The following TTC3 variants were observed in gnomAD, a reference collection of about 807,000 sequenced individuals.
The protein encoded by TTC3 is E3 ubiquitin-protein ligase TTC3.
In TTC3, 180 loss-of-function variants were observed where a neutral mutation model predicts 249.6. The observed-to-expected ratio is 0.72, with a 90% CI of 0.64 to 0.82. The LOEUF is 0.82. Ranked by LOEUF, TTC3 falls within the 40% of genes least tolerant of loss-of-function variation. The probability of loss-of-function intolerance (pLI) is 0.00; values close to 1 mark genes in which losing one functional copy is unlikely to be tolerated. For synonymous variants in TTC3, 717 were observed against 805.0 expected, an observed-to-expected ratio of 0.89 and a Z score of 1.85; for missense variants, 2,061 against 2,398.4, an observed-to-expected ratio of 0.86 and a Z score of 2.94.
intron 1 of TTC3, among the ~76,000 whole-genome samples, chr21:37,079,107 T>C (rs1316511851): frequency 1.3e-5 from 2 of 152,216 alleles, no homozygotes; most frequent in African/African-American, 4.8e-5. Context: ...TATTCTTTCT[T>C]GAGATAAACC....
chr21:37,081,949 C>A (rs1419072980), intron 1 of TTC3: 1 of 151,714 alleles, frequency 6.6e-6, no homozygotes, highest in Non-Finnish European at 1.5e-5. Flanking sequence ...ACTGCAAGCT[C>A]CGCCTCCCGG....
exon 27 of TTC3, chr21:37,153,069 A>G: frequency 6.2e-7 from 1 of 1,613,872 alleles, no homozygotes; most frequent in Non-Finnish European, 8.5e-7. Flanking sequence ...TTCTCAAAGA[A>G]TTGCTTTCTT....
At chr21:37,171,478 A>G (rs1413697698) in intron 34 of TTC3, among the ~76,000 whole-genome samples, 3 of 152,212 alleles carry the variant, frequency 2.0e-5, no homozygotes, top group Non-Finnish European at 2.9e-5. Context: ...GTTTAAATGT[A>G]ATAACATAGA....
Position 37,097,998 on chromosome 21 carries a change from G to C in TTC3, c.845+1355G>C, listed in dbSNP as rs997040145. ...AAATCACCAGTAATCCAACCACCTT[G>C]GAGAATACCGCTGTATTAACGTTAT... On this transcript the variant is annotated intron_variant, in intron 10 of 45. Transcript: ENST00000355666. 5.6e-6 allele frequency: 4 copies of C among 708,040 alleles called. No individual in the cohort carries two copies. The African/African-American group carries it at 7.1e-5, about 12-fold the overall frequency. 43.9% of individuals were successfully genotyped at this position (708,040 alleles called of 1,614,324 possible). A position where few individuals can be genotyped will look rare whatever the true frequency, so the allele number is the denominator to read the frequency against.
chr21:37,095,831 G>A (rs745644135), intron 9 of TTC3, among the ~76,000 whole-genome samples: 8 of 152,230 alleles, frequency 5.3e-5, no homozygotes, highest in Non-Finnish European at 1.2e-4. Context: ...TGCTTTCTAA[G>A]AGGGAACTTT....
chr21:37,093,379 C>CAAAAAAAAAA (rs766230187), intron 7 of TTC3: 1 of 59,140 alleles, frequency 1.7e-5, no homozygotes, highest in African/African-American at 5.6e-5. Flanking sequence ...AACTCCATCT[C>CAAAAAAAAAA]AAAAAAAAAA....
At chr21:37,124,219 A>G (rs1202659212) in intron 13 of TTC3, among the ~76,000 whole-genome samples, 2 of 139,982 alleles carry the variant, frequency 1.4e-5, no homozygotes, top group Non-Finnish European at 3.0e-5. Context: ...GGGTTCAAGC[A>G]GGTCTCCTGC....
chr21:37,175,098 A>AC (rs1445153005), intron 35 of TTC3, among the ~76,000 whole-genome samples: 1 of 84,518 alleles, frequency 1.2e-5, no homozygotes, highest in African/African-American at 7.7e-5. Flanking sequence ...TACTAAAAAT[A>AC]CAAAAAAAAA....
intron 34 of TTC3, among the ~76,000 whole-genome samples, chr21:37,168,013 A>T (rs1160911412): frequency 6.6e-6 from 1 of 152,156 alleles, no homozygotes; most frequent in African/African-American, 2.4e-5. Context: ...ATACAGAAAG[A>T]TAAAGACCTT....
At chr21:37,073,455 C>T (rs1300625216) in intron 1 of TTC3, 31 of 986,634 alleles carry the variant, frequency 3.1e-5, no homozygotes, top group Non-Finnish European at 3.7e-5. Flanking sequence ...GCCTTCCACA[C>T]CCCCTCCGTG....
intron 42 of TTC3, among the ~76,000 whole-genome samples, chr21:37,196,523 C>T (rs1392189503): frequency 2.0e-5 from 3 of 152,088 alleles, no homozygotes; most frequent in East Asian, 1.9e-4. Context: ...AGGCATGAGA[C>T]GCCACACCCA....
intron 26 of TTC3, 110 bp from the exon 27 acceptor site, chr21:37,152,839 CAG>C (rs2079611524): frequency 1.1e-6 from 1 of 876,132 alleles, no homozygotes. Context: ...TTTAGTAAAA[CAG>C]TATAATCAAT....
intron 24 of TTC3, 26 bp downstream of exon 24, chr21:37,150,196 T>A: frequency 6.6e-7 from 1 of 1,526,102 alleles, no homozygotes; most frequent in Non-Finnish European, 9.1e-7. Context: ...GAAACCTTGT[T>A]AGATAGATAA....
chr21:37,178,684 G>A (rs562200805), intron 35 of TTC3, among the ~76,000 whole-genome samples: 1 of 152,170 alleles, frequency 6.6e-6, no homozygotes, highest in African/African-American at 2.4e-5. Context: ...TTTGGGCCAG[G>A]TGCGGTGGCT....
intron 28 of TTC3, chr21:37,157,116 G>T (rs112153138): frequency 7.1e-7 from 1 of 1,413,732 alleles, no homozygotes; most frequent in East Asian, 2.9e-5. Flanking sequence ...ATACTCAAAT[G>T]TAGGTATGTT....
At position 37,169,708 on chromosome 21, in the gene TTC3, C is replaced by T. The variant is rs2081570321; in HGVS notation, c.4467+2088C>T. Among the ~76,000 whole-genome samples the T allele has an allele frequency of 3.5e-5, 5 of 141,504 alleles. No homozygotes were observed. The South Asian group carries it at 6.8e-4, about 19-fold the overall frequency. 92.8% of individuals were successfully genotyped at this position (141,504 alleles called of 152,430 possible). A position where few individuals can be genotyped will look rare whatever the true frequency, so the allele number is the denominator to read the frequency against. The stretch of plus-strand genomic sequence containing the variant: ...CTAAAATTAAAAAAAATTAGCTGGC[C>T]GTGGTGGTGGACACCTGTAACCCCA... On this transcript the variant is annotated intron_variant, in intron 34 of 45. Coordinates refer to ENST00000355666, the Ensembl canonical transcript of TTC3.
chr21:37,190,295 C>T (rs1220823387), intron 39 of TTC3, among the ~76,000 whole-genome samples: 1 of 151,624 alleles, frequency 6.6e-6, no homozygotes, highest in African/African-American at 2.4e-5. Flanking sequence ...ACCACCACGC[C>T]AGGCTGATTT....
chr21:37,144,791 T>G, intron 21 of TTC3, 146 bp downstream of exon 21: 13 of 1,017,726 alleles, frequency 1.3e-5, no homozygotes, highest in Non-Finnish European at 1.8e-5. Flanking sequence ...TGAGAATCTC[T>G]GACATTTATT....
At chr21:37,139,232 G>T (rs2078217343) in intron 19 of TTC3, among the ~76,000 whole-genome samples, 1 of 152,034 alleles carries the variant, frequency 6.6e-6, no homozygotes, top group African/African-American at 2.4e-5. Context: ...CAATGATAAC[G>T]TTAGTATCTC....
Sources: gnomAD v4.1 joint callset for allele counts (sites outside exome capture counted in the v4.1 genomes callset) on GRCh38, gnomAD v4.1.1 for gene constraint, MANE v1.5 for transcripts, NCBI Gene and HGNC (gene_info 2026-07-23, HGNC 2026-07-21) for gene names.